Variants in SMYD3 observed in about 807,000 individuals in gnomAD.
SMYD3 encodes SET and MYND domain containing 3.
SMYD3 carries 36 observed loss-of-function variants against 57.7 expected under a neutral mutation model. That is an observed-to-expected ratio of 0.62 (90% confidence interval 0.48 to 0.82). SMYD3 has a LOEUF of 0.82. SMYD3 is among the 40% of genes least tolerant of loss of function. SMYD3 has a pLI of 0.00. For missense variants in SMYD3, 515 were observed against 538.8 expected (o/e 0.96, Z 0.44); for synonymous variants, 211 against 195.0 (o/e 1.08, Z -0.68).
chr1:246,443,988 C>G (rs2067510407), intron 1 of SMYD3, among the ~76,000 whole-genome samples: 1 of 152,126 alleles, frequency 6.6e-6, no homozygotes, highest in Non-Finnish European at 1.5e-5. Flanking sequence ...CACAGACAGA[C>G]AACAATCAAC....
chr1:245,913,096 A>G (rs2055121645), intron 8 of SMYD3, among the ~76,000 whole-genome samples: 1 of 152,210 alleles, frequency 6.6e-6, no homozygotes. Context: ...ACAACAGCAA[A>G]GACTTGGAAC....
intron 10 of SMYD3, among the ~76,000 whole-genome samples, chr1:245,813,949 T>C (rs4314851): frequency 6.6e-6 from 1 of 151,332 alleles, no homozygotes; most frequent in Non-Finnish European, 1.5e-5. Flanking sequence ...TTCATTGTAG[T>C]TGCTTTTAGG....
intron 5 of SMYD3, among the ~76,000 whole-genome samples, chr1:246,032,604 A>C (rs2059697992): frequency 6.6e-6 from 1 of 152,194 alleles, no homozygotes; most frequent in Non-Finnish European, 1.5e-5. Context: ...AAATGCTAGG[A>C]ATCCTAATTT....
chr1:245,893,604 G>T (rs990516074), intron 8 of SMYD3, among the ~76,000 whole-genome samples: 6 of 152,222 alleles, frequency 3.9e-5, no homozygotes, highest in Non-Finnish European at 5.9e-5. Flanking sequence ...CAAATGAAAT[G>T]GCTGGTTAAT....
chr1:246,416,955 G>T (rs898589654), intron 1 of SMYD3, among the ~76,000 whole-genome samples: 1 of 152,098 alleles, frequency 6.6e-6, no homozygotes, highest in African/African-American at 2.4e-5. Flanking sequence ...GAGAAGAAAA[G>T]AATCTATAAT....
chr1:246,098,666 G>A (rs1202393873), intron 5 of SMYD3, among the ~76,000 whole-genome samples: 1 of 152,124 alleles, frequency 6.6e-6, no homozygotes, highest in Non-Finnish European at 1.5e-5. Flanking sequence ...ACAAAATTAT[G>A]TTCATCACTT....
At chr1:246,139,667 T>G (rs915291692) in intron 5 of SMYD3, among the ~76,000 whole-genome samples, 1 of 152,248 alleles carries the variant, frequency 6.6e-6, no homozygotes, top group South Asian at 2.1e-4. Flanking sequence ...TAAAAATTGT[T>G]GATATGTGCT....
At chr1:246,298,183 T>C (rs944382535) in intron 5 of SMYD3, among the ~76,000 whole-genome samples, 1 of 151,644 alleles carries the variant, frequency 6.6e-6, no homozygotes, top group African/African-American at 2.4e-5. Context: ...AGAAAAGAAC[T>C]TCAGAAGGGG....
chr1:245,789,471 C>T (rs1050930727), intron 10 of SMYD3, among the ~76,000 whole-genome samples: 5 of 152,262 alleles, frequency 3.3e-5, no homozygotes, highest in Admixed American at 6.5e-5. Flanking sequence ...AAGAAAGCCA[C>T]AGTCAATATT....
chr1:245,826,139 A>T (rs2049479926), intron 10 of SMYD3, among the ~76,000 whole-genome samples: 1 of 151,640 alleles, frequency 6.6e-6, no homozygotes, highest in Non-Finnish European at 1.5e-5. Context: ...ACTGTTGTAT[A>T]ACAGTCATCC....
At chr1:246,196,294 T>C (rs1433896796) in intron 5 of SMYD3, among the ~76,000 whole-genome samples, 1 of 152,170 alleles carries the variant, frequency 6.6e-6, no homozygotes, top group African/African-American at 2.4e-5. Flanking sequence ...ACACTGCTCC[T>C]TGTCTTTTTT....
chr1:245,835,453 T>C (rs760509581), intron 10 of SMYD3, among the ~76,000 whole-genome samples: 2 of 152,068 alleles, frequency 1.3e-5, no homozygotes, highest in Non-Finnish European at 2.9e-5. Context: ...TGAGCTTCAG[T>C]TTTCTCATGG....
At chr1:245,787,156 A>G (rs2047076526) in intron 10 of SMYD3, among the ~76,000 whole-genome samples, 1 of 151,026 alleles carries the variant, frequency 6.6e-6, no homozygotes, top group African/African-American at 2.5e-5. Flanking sequence ...CAGCCTTGCT[A>G]TGCCCTGGAT....
intron 5 of SMYD3, among the ~76,000 whole-genome samples, chr1:246,137,900 T>TA (rs1425588078): frequency 2.0e-5 from 3 of 152,010 alleles, no homozygotes; most frequent in Admixed American, 6.5e-5. Flanking sequence ...AGCACACATT[T>TA]AAAAAAAAAG....
intron 10 of SMYD3, among the ~76,000 whole-genome samples, chr1:245,822,474 C>A: frequency 6.6e-6 from 1 of 150,734 alleles, no homozygotes. Context: ...GTGCAGCACA[C>A]CAGCATGGCA....
intron 5 of SMYD3, among the ~76,000 whole-genome samples, chr1:246,083,095 G>A (rs1476770447): frequency 2.0e-5 from 3 of 151,130 alleles, no homozygotes; most frequent in Admixed American, 6.6e-5. Context: ...CCCCCAGCCC[G>A]ACACCCGTAA....
At chr1:246,397,143 C>T (rs769837182) in intron 1 of SMYD3, among the ~76,000 whole-genome samples, 6 of 152,132 alleles carry the variant, frequency 3.9e-5, no homozygotes, top group Non-Finnish European at 7.4e-5. Flanking sequence ...AGGTGAGTAG[C>T]GGGCAAGCAG....
chr1:245,806,734 C>A (rs1339006285), intron 10 of SMYD3, among the ~76,000 whole-genome samples: 1 of 151,008 alleles, frequency 6.6e-6, no homozygotes, highest in Non-Finnish European at 1.5e-5. Flanking sequence ...CAAGGTGAAA[C>A]CCCGTCTCTA....
chr1:246,385,458 T>C (rs918069652), intron 1 of SMYD3, among the ~76,000 whole-genome samples: 1 of 151,972 alleles, frequency 6.6e-6, no homozygotes, highest in Admixed American at 6.6e-5. Flanking sequence ...ATGTTATAAA[T>C]ATTAAGCCTT....
Sources: allele counts gnomAD v4.1 joint callset (sites outside exome capture counted in the v4.1 genomes callset), GRCh38; gene constraint gnomAD v4.1.1; transcripts MANE v1.5; gene names NCBI Gene and HGNC (gene_info 2026-07-23, HGNC 2026-07-21).